VPS41: variants seen among roughly 807,000 people sequenced by gnomAD.
VPS41 encodes VPS41 subunit of HOPS complex, also known as vacuolar protein sorting-associated protein 41 homolog.
In VPS41, 85 loss-of-function variants were observed where a neutral mutation model predicts 130.9. The observed-to-expected ratio is 0.65, with a 90% CI of 0.55 to 0.78. The LOEUF is 0.78. VPS41 is among the 30% of genes least tolerant of loss of function. VPS41 has a pLI of 0.00. For synonymous variants in VPS41, 335 were observed against 332.9 expected (o/e 1.01, Z -0.07); for missense variants, 874 against 1,018.7 (o/e 0.86, Z 1.93).
At chr7:38,809,312 G>A (rs896948408) in intron 7 of VPS41, among the ~76,000 whole-genome samples, 3 of 148,056 alleles carry the variant, frequency 2.0e-5, no homozygotes, top group South Asian at 2.1e-4. Flanking sequence ...GTGAAACCCC[G>A]TCTCTACTAA....
At chr7:38,796,164 A>C (rs1411893530) in intron 8 of VPS41, among the ~76,000 whole-genome samples, 1 of 152,250 alleles carries the variant, frequency 6.6e-6, no homozygotes, top group Non-Finnish European at 1.5e-5. Context: ...TCTACCATTT[A>C]AAACTGAATA....
intron 7 of VPS41, among the ~76,000 whole-genome samples, chr7:38,815,055 T>C (rs961358321): frequency 1.3e-5 from 2 of 152,276 alleles, no homozygotes; most frequent in Admixed American, 6.5e-5. Flanking sequence ...AAGTATGAGA[T>C]AATAAATGTT....
At position 38,797,874 on chromosome 7, in the gene VPS41, C is replaced by T. The variant is rs148120817; in HGVS notation, c.451-1010G>A. Among the ~76,000 whole-genome samples the T allele has an allele frequency of 9.6e-3, 1,465 of 152,216 alleles. 6 individuals are homozygous for T. Among genetic ancestry groups the T allele is most frequent in the Non-Finnish European group, 0.015 (990 of 68,020 alleles). On this transcript the variant is annotated intron_variant, in intron 7 of 28. Transcript: ENST00000310301. The stretch of plus-strand genomic sequence containing the variant: ...GCAGAGGAAGCACAAAATAAAATCC[C>T]TAAAATTAAATATGATGTCCATCAT...
intron 4 of VPS41, among the ~76,000 whole-genome samples, chr7:38,859,725 C>T (rs189419005): frequency 1.3e-5 from 2 of 152,258 alleles, no homozygotes; most frequent in East Asian, 3.9e-4. Flanking sequence ...CCACATTTCT[C>T]AGAATGCATC....
In VPS41 at chr7:38,767,539, T is replaced by G. The variant is rs749670099; in HGVS notation, c.1245A>C (p.Ala415=). Residue 415 remains alanine, a splice_region_variant and synonymous_variant, in exon 15 of 29, where the codon GCA becomes GCC. Transcript: ENST00000310301. ...LVERGDYDIA[A]RKCQKILGKN... is the part of the protein sequence containing the mutation. ...AATTGTGAAAATGTCATCATTACCG[T>G]GCTGCTATGTCATAGTCTCCTCTCT... 3 of 1,601,002 alleles carry G rather than the reference T, an allele frequency of 1.9e-6. No individual in the cohort carries two copies. The highest frequency in any genetic ancestry group is 2.3e-5 in the East Asian group (1 of 44,428).
At chr7:38,734,760 A>G (rs1161235867) in intron 25 of VPS41, among the ~76,000 whole-genome samples, 1 of 152,220 alleles carries the variant, frequency 6.6e-6, no homozygotes, top group Non-Finnish European at 1.5e-5. Context: ...AACACTAAAC[A>G]TTTTGCTGAC....
chr7:38,777,801 G>A (rs1216740979), intron 10 of VPS41, among the ~76,000 whole-genome samples: 2 of 152,228 alleles, frequency 1.3e-5, no homozygotes, highest in Non-Finnish European at 2.9e-5. Context: ...AACCAATACT[G>A]AATGCTGAGT....
chr7:38,724,939 G>A lies in VPS41; in HGVS notation c.*1307C>T, dbSNP rs955477742. The A allele has an allele frequency of 6.6e-6, 1 of 152,158 alleles. No homozygotes were observed. The highest frequency in any genetic ancestry group is 1.5e-5 in the Non-Finnish European group (1 of 68,042). 9.4% of individuals were successfully genotyped at this position (152,158 alleles called of 1,614,324 possible). ...ATCAGAAGCCCTGCTCTGAAGTTAG[G>A]CAGTCACCTCTGTGACCTCAACAAC... On this transcript the variant is annotated 3_prime_UTR_variant, in exon 29 of 29. Coordinates refer to ENST00000310301, the MANE Select transcript of VPS41 (RefSeq NM_014396.4).
At chr7:38,788,594 TTTTG>T in intron 10 of VPS41, among the ~76,000 whole-genome samples, 1 of 152,360 alleles carries the variant, frequency 6.6e-6, no homozygotes, top group Non-Finnish European at 1.5e-5. Flanking sequence ...GTTGAGAGGC[TTTTG>T]TTTTTCTTTT....
chr7:38,783,522 A>T (rs1266591230), intron 10 of VPS41, among the ~76,000 whole-genome samples: 1 of 152,164 alleles, frequency 6.6e-6, no homozygotes, highest in Non-Finnish European at 1.5e-5. Context: ...CAACAGAGCG[A>T]AACTCTGTCT....
chr7:38,873,920 G>A (rs1786429971), intron 2 of VPS41, among the ~76,000 whole-genome samples: 1 of 152,178 alleles, frequency 6.6e-6, no homozygotes, highest in Admixed American at 6.5e-5. Flanking sequence ...ACTTCTCCCT[G>A]AAAAACTGTT....
At chr7:38,857,750 C>G (rs1226163411) in intron 4 of VPS41, among the ~76,000 whole-genome samples, 1 of 152,168 alleles carries the variant, frequency 6.6e-6, no homozygotes, top group Non-Finnish European at 1.5e-5. Flanking sequence ...TGACCCATGA[C>G]AAAGCCTCAA....
At position 38,756,818 on chromosome 7, in the gene VPS41, T is replaced by C; in HGVS notation, c.1695+20A>G. On this transcript the variant is annotated intron_variant, in intron 19 of 28. Coordinates refer to ENST00000310301, the MANE Select transcript of VPS41 (RefSeq NM_014396.4). ...GAATAGTAAAAATAATTGACAGTACTAAAATAAAAAGCACATTACCTCTGA... is the reference window on the plus strand; with the variant it reads ...GAATAGTAAAAATAATTGACAGTACCAAAATAAAAAGCACATTACCTCTGA... 2 of 1,471,090 alleles carry C rather than the reference T, an allele frequency of 1.4e-6. No homozygotes were observed. Among genetic ancestry groups the C allele is most frequent in the Non-Finnish European group, 9.3e-7 (1 of 1,076,832 alleles). The allele number at this position is 1,471,090 out of a possible 1,614,324, so 91.1% of individuals were successfully genotyped here.
At chr7:38,792,729 C>T (rs1784556750) in intron 9 of VPS41, among the ~76,000 whole-genome samples, 1 of 152,156 alleles carries the variant, frequency 6.6e-6, no homozygotes, top group Non-Finnish European at 1.5e-5. Context: ...GCTCAAAGCC[C>T]TGTGCTGGCT....
chr7:38,894,280 CAA>C (rs1786931034), intron 2 of VPS41, among the ~76,000 whole-genome samples: 2 of 152,128 alleles, frequency 1.3e-5, no homozygotes, highest in South Asian at 4.1e-4. Flanking sequence ...AAAAAAACTC[CAA>C]AGTCTTCAAA....
rs1785951710 is a variant in VPS41, at chr7:38,855,064, C to G, written c.246+7481G>C. 2.0e-5 allele frequency among the ~76,000 whole-genome samples: 3 copies of G among 152,000 alleles called. 1 individual carries two copies. In the East Asian group the frequency reaches 5.8e-4, roughly 29 times the overall value. On this transcript the variant is annotated intron_variant, in intron 4 of 28. Transcript: ENST00000310301. ...TCTCTACTAAAAATATGAAAACTAG[C>G]TGGGCATAGTGGCACATGCCTGTAG...
intron 17 of VPS41, among the ~76,000 whole-genome samples, chr7:38,758,775 G>A (rs1783856678): frequency 6.6e-6 from 1 of 152,152 alleles, no homozygotes; most frequent in South Asian, 2.1e-4. Flanking sequence ...AGGGGAGAGG[G>A]GCTGAAGGTT....
intron 1 of VPS41, 135 bp downstream of exon 1, chr7:38,909,019 A>ACCCCC: frequency 1.1e-6 from 1 of 878,756 alleles, no homozygotes; most frequent in South Asian, 1.4e-5. Flanking sequence ...TCGCCATCCC[A>ACCCCC]CCCCGCCCTG....
At position 38,728,686 on chromosome 7, in the gene VPS41, A is replaced by C. The variant is rs1174611234; in HGVS notation, c.2359+6T>G. On this transcript the variant is annotated splice_donor_region_variant and intron_variant, in intron 26 of 28. Transcript: ENST00000310301. Reference sequence around the variant, plus strand: ...GGTTCCATATGATTATTTCAATTTTACCCACCATCAACAAGAACACCTTTC... The same window carrying C: ...GGTTCCATATGATTATTTCAATTTTCCCCACCATCAACAAGAACACCTTTC... The C allele has an allele frequency of 1.9e-6, 3 of 1,614,002 alleles. No individual in the cohort carries two copies. Among genetic ancestry groups the C allele is most frequent in the Non-Finnish European group, 2.5e-6 (3 of 1,179,940 alleles).
Sources: gnomAD v4.1 joint callset for allele counts (sites outside exome capture counted in the v4.1 genomes callset) on GRCh38, gnomAD v4.1.1 for gene constraint, MANE v1.5 for transcripts, NCBI Gene and HGNC (gene_info 2026-07-23, HGNC 2026-07-21) for gene names.